The following STK32C variants were observed in gnomAD, a reference collection of about 807,000 sequenced individuals.
STK32C encodes the protein serine/threonine-protein kinase 32C.
A neutral mutation model predicts 56.5 loss-of-function variants in STK32C; 31 were observed. The observed-to-expected ratio is 0.55, with a 90% confidence interval of 0.41 to 0.74. The LOEUF (loss-of-function observed/expected upper bound fraction) is 0.74. Ranked by LOEUF, STK32C falls within the 30% of genes least tolerant of loss-of-function variation. STK32C has a pLI of 0.00. For missense variants in STK32C, 544 were observed against 676.9 expected, an observed-to-expected ratio of 0.80 and a Z score of 2.18; for synonymous variants, 309 against 289.4, an observed-to-expected ratio of 1.07 and a Z score of -0.69.
chr10:132,264,233 T>C (rs566551145), intron 1 of STK32C, among the ~76,000 whole-genome samples: 1 of 152,370 alleles, frequency 6.6e-6, no homozygotes, highest in Non-Finnish European at 1.5e-5. Flanking sequence ...GTGGTTAATT[T>C]TGTGTGCTAT....
intron 1 of STK32C, among the ~76,000 whole-genome samples, chr10:132,258,315 G>C (rs1309770023): frequency 2.0e-5 from 3 of 152,256 alleles, no homozygotes; most frequent in African/African-American, 7.2e-5. Flanking sequence ...TTAGCACTTG[G>C]TAGAGTGGAA....
At chr10:132,260,497 C>A (rs76431615) in intron 1 of STK32C, among the ~76,000 whole-genome samples, 1 of 152,264 alleles carries the variant, frequency 6.6e-6, no homozygotes, top group Admixed American at 6.5e-5. Flanking sequence ...ACCGGACACA[C>A]AGGCCCCGGT....
upstream of STK32C, among the ~76,000 whole-genome samples, chr10:132,310,469 G>A (rs1326200304): frequency 2.6e-5 from 4 of 152,176 alleles, no homozygotes; most frequent in Non-Finnish European, 4.4e-5. This position sits in a 1 kb window ranked among gnomAD's most constrained non-coding sequence, Gnocchi z 4.6. Flanking sequence ...GACAGGAGGG[G>A]TCAGGAACTG....
chr10:132,248,185 T>C (rs965411402), intron 1 of STK32C, among the ~76,000 whole-genome samples: 4 of 152,166 alleles, frequency 2.6e-5, no homozygotes, highest in African/African-American at 7.2e-5. Flanking sequence ...GCTGCCGCCA[T>C]GTGGCGTCAC....
chr10:132,316,243 C>G (rs2066307274), intron 1 of STK32C, among the ~76,000 whole-genome samples: 1 of 151,790 alleles, frequency 6.6e-6, no homozygotes, highest in Non-Finnish European at 1.5e-5. Flanking sequence ...CCTTAAAAAT[C>G]ACTACTATAA....
chr10:132,274,181 C>T (rs1002377057), intron 1 of STK32C, among the ~76,000 whole-genome samples: 1 of 152,206 alleles, frequency 6.6e-6, no homozygotes, highest in Admixed American at 6.5e-5. Context: ...GCACCATCCA[C>T]GCTGGGTGTG....
upstream of STK32C, chr10:132,331,937 C>A: frequency 1.7e-6 from 1 of 591,164 alleles, no homozygotes; most frequent in Non-Finnish European, 2.7e-6. Context: ...GCAAGCGCAA[C>A]CCCCCGCCCC....
intron 1 of STK32C, among the ~76,000 whole-genome samples, chr10:132,269,925 C>G (rs1276828726): frequency 5.9e-5 from 9 of 152,258 alleles, no homozygotes; most frequent in Non-Finnish European, 1.0e-4. Context: ...ACGTGGGCCC[C>G]GGATGCCTGA....
At chr10:132,308,614 G>C (rs1346659909), upstream of STK32C, among the ~76,000 whole-genome samples, 3 of 152,030 alleles carry the variant, frequency 2.0e-5, no homozygotes, top group African/African-American at 7.2e-5. Flanking sequence ...GCGCACACGC[G>C]GGCGCCTGGG....
intron 2 of STK32C, among the ~76,000 whole-genome samples, chr10:132,244,438 C>T (rs1345606425): frequency 6.6e-6 from 1 of 152,224 alleles, no homozygotes; most frequent in Admixed American, 6.5e-5. Flanking sequence ...AGGGGACCAT[C>T]CCCAGGCAGG....
At chr10:132,331,444 C>T (rs1417910012) in exon 1 of STK32C, 75 of 1,610,232 alleles carry the variant, frequency 4.7e-5, no homozygotes, top group Non-Finnish European at 6.4e-5. Context: ...ACTGCGTTTC[C>T]TCGCCCCCCT....
rs767262050 is a variant in STK32C at position 132,324,194 on chromosome 10, TCAC to T, written c.*37_*39del. On this transcript the variant is annotated 3_prime_UTR_variant, in exon 2 of 2. Transcript: ENST00000368619. ...AGTCTCCCTGGGTACTGAGACAAGT[TCAC>T]CACTTTGGCTCATCTGAGAAATTCA... 7.7e-4 allele frequency: 597 copies of T among 778,256 alleles called. 2 individuals are homozygous for T. The highest frequency in any genetic ancestry group is 1.1e-3 in the Non-Finnish European group (471 of 417,232). The allele number at this position is 778,256 out of a possible 1,614,324, so 48.2% of individuals were successfully genotyped here. A position where few individuals can be genotyped will look rare whatever the true frequency, so the allele number is the denominator to read the frequency against.
At chr10:132,245,664 G>A (rs1035856930) in intron 2 of STK32C, among the ~76,000 whole-genome samples, 5 of 152,256 alleles carry the variant, frequency 3.3e-5, no homozygotes, top group Admixed American at 3.3e-4. Flanking sequence ...CCTCCTGGTG[G>A]CTCCTGGACG....
At chr10:132,327,262 G>A (rs534290739) in intron 1 of STK32C, among the ~76,000 whole-genome samples, 3 of 152,266 alleles carry the variant, frequency 2.0e-5, no homozygotes, top group South Asian at 4.1e-4. Flanking sequence ...CTCTCCTTTT[G>A]CCTGCTGCCC....
chr10:132,293,774 T>C (rs1471840127), intron 1 of STK32C, among the ~76,000 whole-genome samples: 2 of 151,792 alleles, frequency 1.3e-5, no homozygotes, highest in African/African-American at 4.8e-5. Flanking sequence ...TCCAGCAGAC[T>C]GGGCCACACC....
chr10:132,293,215 A>G (rs982412453), intron 1 of STK32C, among the ~76,000 whole-genome samples: 2 of 151,968 alleles, frequency 1.3e-5, no homozygotes, highest in African/African-American at 4.8e-5. Flanking sequence ...TGAGAGGAGG[A>G]TGGAGTGGCC....
At chr10:132,288,345 T>A (rs1188726160) in intron 1 of STK32C, among the ~76,000 whole-genome samples, 2 of 152,228 alleles carry the variant, frequency 1.3e-5, no homozygotes, top group Non-Finnish European at 2.9e-5. Context: ...AAGAAATTGA[T>A]GATATACTGA....
Position 132,222,855 on chromosome 10 carries a change from G to T in STK32C, c.1119+6C>A. On this transcript the variant is annotated splice_donor_region_variant and intron_variant, in intron 9 of 11. Transcript: ENST00000298630. ...GGCCCCCCACCTGAGCCGCCCACAG[G>T]CTTACGTTGGGCACGAAGCCCGGCT... 1 of 1,590,334 alleles carries T rather than the reference G, an allele frequency of 6.3e-7. No individual in the cohort carries two copies.
At chr10:132,259,534 T>C (rs2064236631) in intron 1 of STK32C, among the ~76,000 whole-genome samples, 1 of 151,992 alleles carries the variant, frequency 6.6e-6, no homozygotes, top group Non-Finnish European at 1.5e-5. Flanking sequence ...GATAGTGAGT[T>C]CTCATGAGAT....
Sources: gnomAD v4.1 joint callset for allele counts (sites outside exome capture counted in the v4.1 genomes callset) on GRCh38, gnomAD v4.1.1 for gene constraint, Gnocchi (gnomAD v3.1) non-coding constraint, MANE v1.5 for transcripts, NCBI Gene and HGNC (gene_info 2026-07-23, HGNC 2026-07-21) for gene names.